PTPRJ: variants seen among roughly 807,000 people sequenced by gnomAD.
PTPRJ encodes the protein protein tyrosine phosphatase receptor type J, also known as receptor-type tyrosine-protein phosphatase eta.
Under a neutral mutation model 141.3 loss-of-function variants are expected in PTPRJ, and 129 were observed. The ratio of observed to expected loss-of-function variants is 0.91; its 90% CI spans 0.79 to 1.06. The LOEUF is 1.06. PTPRJ is among the 50% of genes least tolerant of loss of function. PTPRJ has a pLI of 0.00. For missense variants in PTPRJ, 1,601 were observed against 1,679.7 expected (o/e 0.95, Z 0.82); for synonymous variants, 610 against 640.5 (o/e 0.95, Z 0.72).
At chr11:48,008,047 A>C (rs1854672894) in intron 1 of PTPRJ, among the ~76,000 whole-genome samples, 1 of 152,064 alleles carries the variant, frequency 6.6e-6, no homozygotes, top group Non-Finnish European at 1.5e-5. Context: ...TCTATTTTTG[A>C]CCTGTTTTTA....
intron 1 of PTPRJ, among the ~76,000 whole-genome samples, chr11:48,084,496 C>T (rs61915872): frequency 0.03 from 4,629 of 152,284 alleles, 106 homozygotes; most frequent in Non-Finnish European, 0.046. Context: ...AGCAAAATTT[C>T]TGGCCCATGT....
At position 48,163,592 on chromosome 11, in the gene PTPRJ, C is replaced by T. The variant is rs768064308; in HGVS notation, c.3693C>T (p.Pro1231=). The T allele has an allele frequency of 1.2e-5, 19 of 1,613,796 alleles. No individual in the cohort carries two copies. Among genetic ancestry groups the T allele is most frequent in the Middle Eastern group, 1.6e-4 (1 of 6,062 alleles). Residue 1231 remains proline, a synonymous_variant, in exon 23 of 25, where the codon CCC becomes CCT. Coordinates refer to ENST00000418331, the MANE Select transcript of PTPRJ (RefSeq NM_002843.4). Reference sequence around the variant, plus strand: ...GTGACTACATGAAGCAGAGTCCTCCCGAATCGCCGATTCTGGTGCATTGCA... The same window carrying T: ...GTGACTACATGAAGCAGAGTCCTCCTGAATCGCCGATTCTGGTGCATTGCA... ...LVRDYMKQSP[P]ESPILVHCSA... is the part of the protein sequence containing the mutation.
At chr11:48,049,449 G>A (rs1268593799) in intron 1 of PTPRJ, among the ~76,000 whole-genome samples, 2 of 151,806 alleles carry the variant, frequency 1.3e-5, no homozygotes, top group Non-Finnish European at 2.9e-5. Flanking sequence ...AGGCCAAGAC[G>A]GGCAGATCAC....
Position 48,082,248 on chromosome 11 carries a change from T to G in PTPRJ, c.97-27810T>G. 1.3e-5 allele frequency among the ~76,000 whole-genome samples: 2 copies of G among 152,190 alleles called. 1 individual carries two copies. Among genetic ancestry groups the G allele is most frequent in the Non-Finnish European group, 2.9e-5 (2 of 68,028 alleles). ...TCATCCAGTTTCTCTTCTTTTTACT[T>G]ATTTGGAGACATGGTCTTACTTTGT... On this transcript the variant is annotated intron_variant, in intron 1 of 24. Coordinates refer to ENST00000418331, the MANE Select transcript of PTPRJ (RefSeq NM_002843.4).
At chr11:48,062,968 G>A (rs1467501284) in intron 1 of PTPRJ, among the ~76,000 whole-genome samples, 1 of 152,118 alleles carries the variant, frequency 6.6e-6, no homozygotes, top group Non-Finnish European at 1.5e-5. Context: ...TATGAATGAG[G>A]GTGTCAGGGA....
intron 1 of PTPRJ, among the ~76,000 whole-genome samples, chr11:48,090,718 C>G (rs1009773072): frequency 3.9e-5 from 6 of 152,190 alleles, no homozygotes; most frequent in Non-Finnish European, 8.8e-5. Context: ...ATTCGAGAGG[C>G]CAGGAGTGTA....
intron 1 of PTPRJ, among the ~76,000 whole-genome samples, chr11:48,055,819 A>T (rs1256954794): frequency 6.6e-6 from 1 of 152,232 alleles, no homozygotes; most frequent in African/African-American, 2.4e-5. Flanking sequence ...TGCTTGGCTC[A>T]GCTCTGCGAG....
intron 1 of PTPRJ, among the ~76,000 whole-genome samples, chr11:47,999,197 G>C (rs1854425552): frequency 1.3e-5 from 2 of 152,200 alleles, no homozygotes; most frequent in South Asian, 4.1e-4. Flanking sequence ...ATCAATTAGT[G>C]ATGTCTGCCA....
chr11:48,164,592 A>C (rs1590574819), intron 24 of PTPRJ, 77 bp downstream of exon 24: 3 of 1,248,844 alleles, frequency 2.4e-6, no homozygotes, highest in Non-Finnish European at 3.1e-6. Flanking sequence ...TTTGAGACGG[A>C]GTCTTGCTCT....
intron 1 of PTPRJ, among the ~76,000 whole-genome samples, chr11:48,039,594 C>T (rs1254572175): frequency 6.6e-6 from 1 of 151,242 alleles, no homozygotes; most frequent in Non-Finnish European, 1.5e-5. Flanking sequence ...CTGAATCTTC[C>T]CTACTCCTTT....
At chr11:48,096,573 G>A (rs1025424856) in intron 1 of PTPRJ, among the ~76,000 whole-genome samples, 5 of 131,344 alleles carry the variant, frequency 3.8e-5, no homozygotes, top group Admixed American at 8.3e-5. Context: ...GACCATTAAA[G>A]AACGTCTTCA....
intron 18 of PTPRJ, among the ~76,000 whole-genome samples, chr11:48,151,394 A>G (rs1328455527): frequency 6.7e-6 from 1 of 148,862 alleles, no homozygotes; most frequent in Non-Finnish European, 1.5e-5. Flanking sequence ...CACTAGTCAT[A>G]TGGGATTCAG....
At chr11:48,003,756 A>C (rs1164768412) in intron 1 of PTPRJ, among the ~76,000 whole-genome samples, 1 of 152,162 alleles carries the variant, frequency 6.6e-6, no homozygotes, top group South Asian at 2.1e-4. Context: ...TTGGCTCCTC[A>C]AAGTGTTGGG....
chr11:48,134,936 T>C (rs1857055199), intron 8 of PTPRJ, among the ~76,000 whole-genome samples: 1 of 152,200 alleles, frequency 6.6e-6, no homozygotes, highest in Non-Finnish European at 1.5e-5. Context: ...CATTTCAGTT[T>C]TCCTCTTTGG....
At chr11:48,020,560 G>C (rs1228027) in intron 1 of PTPRJ, among the ~76,000 whole-genome samples, 2,502 of 152,232 alleles carry the variant, frequency 0.016, 67 homozygotes, top group African/African-American at 0.057. Context: ...GTAAATGAAC[G>C]CAGTGCAGTC....
At chr11:48,048,119 T>A (rs1854458843) in intron 1 of PTPRJ, among the ~76,000 whole-genome samples, 1 of 152,188 alleles carries the variant, frequency 6.6e-6, no homozygotes, top group East Asian at 1.9e-4. Context: ...TTTCGAATCC[T>A]TTTCTTTGAT....
At chr11:48,122,607 G>A (rs745949899) in intron 4 of PTPRJ, among the ~76,000 whole-genome samples, 2 of 152,194 alleles carry the variant, frequency 1.3e-5, no homozygotes, top group East Asian at 1.9e-4. Flanking sequence ...GCTGGAACCC[G>A]GAGTCTAACT....
At chr11:48,104,687 C>G (rs1010187001) in intron 1 of PTPRJ, among the ~76,000 whole-genome samples, 1 of 152,224 alleles carries the variant, frequency 6.6e-6, no homozygotes, top group Non-Finnish European at 1.5e-5. Context: ...GAAACTTGTA[C>G]AAGCTGCCTT....
chr11:48,166,443 A>G (rs1431131902), intron 24 of PTPRJ, among the ~76,000 whole-genome samples: 1 of 151,210 alleles, frequency 6.6e-6, no homozygotes, highest in Admixed American at 6.6e-5. Flanking sequence ...CCTCCTGAGT[A>G]GCTGGGATTA....
Sources: allele counts gnomAD v4.1 joint callset (sites outside exome capture counted in the v4.1 genomes callset), GRCh38; gene constraint gnomAD v4.1.1; transcripts MANE v1.5; gene names NCBI Gene and HGNC (gene_info 2026-07-23, HGNC 2026-07-21).